The following CLVS2 variants were observed in gnomAD, a reference collection of about 807,000 sequenced individuals.
The protein encoded by CLVS2 is clavesin-2.
A neutral mutation model predicts 29.0 loss-of-function variants in CLVS2; 19 were observed. That is an observed-to-expected ratio of 0.66 (90% CI 0.46 to 0.96). The LOEUF (loss-of-function observed/expected upper bound fraction) is 0.96. Among genes scored for constraint, CLVS2 ranks in the 40% least tolerant of loss-of-function variants. CLVS2 has a pLI of 0.00. For synonymous variants in CLVS2, 161 were observed against 151.3 expected (o/e 1.06, Z -0.47); for missense variants, 294 against 404.1 (o/e 0.73, Z 2.34).
At chr6:123,027,488 T>A (rs548205717) in intron 3 of CLVS2, among the ~76,000 whole-genome samples, 1 of 152,304 alleles carries the variant, frequency 6.6e-6, no homozygotes, top group Non-Finnish European at 1.5e-5. Flanking sequence ...CCATCCTCAT[T>A]TAAATCTGTT....
At chr6:123,009,717 G>A (rs896965513) in intron 2 of CLVS2, among the ~76,000 whole-genome samples, 1 of 151,946 alleles carries the variant, frequency 6.6e-6, no homozygotes, top group African/African-American at 2.4e-5. Context: ...AACTTAAAAT[G>A]CAAAGTGTAC....
intron 1 of CLVS2, among the ~76,000 whole-genome samples, chr6:122,996,980 C>G (rs1774518900): frequency 6.6e-6 from 1 of 151,590 alleles, no homozygotes; most frequent in Admixed American, 6.6e-5. Context: ...GTTGGGGGAG[C>G]CCACGCTGGT....
At chr6:123,051,897 A>G (rs1772616683) in intron 4 of CLVS2, among the ~76,000 whole-genome samples, 1 of 152,208 alleles carries the variant, frequency 6.6e-6, no homozygotes, top group East Asian at 1.9e-4. Flanking sequence ...TGATGTTATT[A>G]CACAGAACTA....
At chr6:123,046,039 C>T (rs1342649186) in intron 3 of CLVS2, among the ~76,000 whole-genome samples, 8 of 152,116 alleles carry the variant, frequency 5.3e-5, no homozygotes, top group African/African-American at 1.9e-4. Context: ...AAATGACATG[C>T]ACTTGGGCAT....
At chr6:123,019,828 T>C (rs1009380421) in intron 3 of CLVS2, among the ~76,000 whole-genome samples, 3 of 151,956 alleles carry the variant, frequency 2.0e-5, no homozygotes, top group African/African-American at 7.2e-5. Context: ...GGGCTGATGG[T>C]ATAGGTCCAG....
intron 3 of CLVS2, among the ~76,000 whole-genome samples, chr6:123,023,962 G>A (rs1413733104): frequency 3.3e-5 from 5 of 151,998 alleles, no homozygotes; most frequent in Admixed American, 6.6e-5. Flanking sequence ...AATCAGCCTT[G>A]GTCATTCATT....
intron 5 of CLVS2, among the ~76,000 whole-genome samples, chr6:123,058,212 T>C (rs550625878): frequency 3.3e-5 from 5 of 152,242 alleles, no homozygotes; most frequent in Admixed American, 6.5e-5. Context: ...TCCTCAACGT[T>C]AGGTAGTCTA....
intron 3 of CLVS2, among the ~76,000 whole-genome samples, chr6:123,015,898 G>A (rs1172913593): frequency 6.6e-6 from 1 of 151,636 alleles, no homozygotes; most frequent in African/African-American, 2.4e-5. Flanking sequence ...TCATAATATT[G>A]GTCCAAGGTA....
intron 3 of CLVS2, among the ~76,000 whole-genome samples, chr6:123,043,180 C>T (rs573184563): frequency 1.0e-3 from 158 of 152,078 alleles, no homozygotes; most frequent in Non-Finnish European, 1.8e-3. Flanking sequence ...AGTTTCATAT[C>T]ATCTATATAA....
At chr6:123,049,886 A>G (rs563513326) in intron 4 of CLVS2, among the ~76,000 whole-genome samples, 1 of 152,200 alleles carries the variant, frequency 6.6e-6, no homozygotes, top group African/African-American at 2.4e-5. Flanking sequence ...AACATGGCAT[A>G]TGTATACATA....
rs4897229 is a variant in CLVS2, at chr6:122,996,286, A to C, written c.-1020A>C. The C allele has an allele frequency of 0.77, 119,185 of 155,650 alleles. 46,219 individuals are homozygous for C. The highest frequency in any genetic ancestry group is 0.92 in the East Asian group (4,836 of 5,232). 9.6% of individuals were successfully genotyped at this position (155,650 alleles called of 1,614,324 possible). A position where few individuals can be genotyped will look rare whatever the true frequency, so the allele number is the denominator to read the frequency against. On this transcript the variant is annotated 5_prime_UTR_variant, in exon 1 of 6. Coordinates refer to ENST00000275162, the MANE Select transcript of CLVS2 (RefSeq NM_001010852.4). ...GCCGCCGCCGCAGCCCGGTGGGGCAACCCTGACTCGGACCGCTCGGGAGAG... is the reference window on the plus strand; with the variant it reads ...GCCGCCGCCGCAGCCCGGTGGGGCACCCCTGACTCGGACCGCTCGGGAGAG...
chr6:123,018,309 G>C (rs12213969), intron 3 of CLVS2, among the ~76,000 whole-genome samples: 1 of 151,770 alleles, frequency 6.6e-6, no homozygotes, highest in Non-Finnish European at 1.5e-5. Flanking sequence ...GCAAAACCTC[G>C]TTTTTTTCTC....
intron 2 of CLVS2, among the ~76,000 whole-genome samples, chr6:123,008,740 C>T (rs1173483978): frequency 6.6e-6 from 1 of 151,570 alleles, no homozygotes; most frequent in Admixed American, 6.6e-5. Flanking sequence ...CTTCCTGCTC[C>T]AACCTTCCAA....
chr6:122,996,902 C>A (rs1001184942), intron 1 of CLVS2, among the ~76,000 whole-genome samples, 156 bp downstream of exon 1: 1 of 152,158 alleles, frequency 6.6e-6, no homozygotes, highest in Non-Finnish European at 1.5e-5. Flanking sequence ...CCCCTCCCCC[C>A]TTTTCTCCAA....
chr6:123,000,740 C>T (rs1436389645), intron 2 of CLVS2, among the ~76,000 whole-genome samples: 1 of 152,200 alleles, frequency 6.6e-6, no homozygotes, highest in Non-Finnish European at 1.5e-5. Flanking sequence ...ACCTGGATTT[C>T]TCCAGAAGAC....
intron 3 of CLVS2, among the ~76,000 whole-genome samples, chr6:123,023,578 TATC>T (rs1774954892): frequency 6.6e-6 from 1 of 152,130 alleles, no homozygotes; most frequent in Admixed American, 6.6e-5. Flanking sequence ...ATTTGAGTTT[TATC>T]ATGAGGCCAC....
chr6:123,057,384 T>A (rs1772709387), intron 5 of CLVS2, among the ~76,000 whole-genome samples: 2 of 134,286 alleles, frequency 1.5e-5, no homozygotes, highest in Non-Finnish European at 3.1e-5. Context: ...TCTAGCTCTG[T>A]CTCCCAGGCT....
intron 4 of CLVS2, 124 bp from the exon 5 acceptor site, chr6:123,055,681 AG>A (rs1772683450): frequency 1.5e-6 from 1 of 688,248 alleles, no homozygotes; most frequent in African/African-American, 1.8e-5. Flanking sequence ...GACTGGCTAA[AG>A]TACTTTAACA....
At chr6:123,021,238 T>G (rs987856997) in intron 3 of CLVS2, among the ~76,000 whole-genome samples, 3 of 152,052 alleles carry the variant, frequency 2.0e-5, no homozygotes, top group African/African-American at 4.8e-5. Context: ...GAAATTATTA[T>G]CTTATAGTTG....
Sources: gnomAD v4.1 joint callset for allele counts (sites outside exome capture counted in the v4.1 genomes callset) on GRCh38, gnomAD v4.1.1 for gene constraint, MANE v1.5 for transcripts, NCBI Gene and HGNC (gene_info 2026-07-23, HGNC 2026-07-21) for gene names.